Variants in ZNF705B observed in about 807,000 individuals in gnomAD.
ZNF705B encodes the protein zinc finger protein 705B.
In ZNF705B, 1 loss-of-function variant was observed where a neutral mutation model predicts 10.5. The ratio of observed to expected loss-of-function variants is 0.10; its 90% CI spans 0.03 to 0.45. The LOEUF (loss-of-function observed/expected upper bound fraction) is 0.45. ZNF705B is among the 20% of genes least tolerant of loss of function. The pLI is 0.97. For missense variants in ZNF705B, 14 were observed against 84.0 expected (o/e 0.17, Z 3.26); for synonymous variants, 4 against 25.4 (o/e 0.16, Z 2.53).
At chr8:7,933,909 G>A (rs1819921315) in intron 2 of ZNF705B, among the ~76,000 whole-genome samples, 1 of 73,772 alleles carries the variant, frequency 1.4e-5, no homozygotes, top group African/African-American at 3.6e-5. Flanking sequence ...CAGTAATCAA[G>A]TCATAACATG....
intron 2 of ZNF705B, among the ~76,000 whole-genome samples, chr8:7,940,523 T>C (rs1435532897): frequency 1.7e-5 from 2 of 116,336 alleles, no homozygotes; most frequent in Non-Finnish European, 4.0e-5. Flanking sequence ...AGCACTATGC[T>C]GTAAACGAGA....
intron 2 of ZNF705B, among the ~76,000 whole-genome samples, chr8:7,936,591 G>T (rs1820022180): frequency 8.3e-6 from 1 of 119,966 alleles, no homozygotes; most frequent in African/African-American, 2.5e-5. Flanking sequence ...GCAGCTGGAG[G>T]ACTTTATTCT....
At chr8:7,926,647 TAAG>T (rs1223250065) in intron 1 of ZNF705B, among the ~76,000 whole-genome samples, 1 of 103,820 alleles carries the variant, frequency 9.6e-6, no homozygotes, top group African/African-American at 2.8e-5. Flanking sequence ...GCAATAGTGT[TAAG>T]AAGCGGAACA....
At chr8:7,928,260 G>A (rs2698878) in intron 1 of ZNF705B, among the ~76,000 whole-genome samples, 48,158 of 112,678 alleles carry the variant, frequency 0.43, 8,109 homozygotes, top group East Asian at 0.51. Context: ...TTGTAATATC[G>A]TCACCACCTT....
In ZNF705B at chr8:7,927,550, C is replaced by T. The variant is rs2739885; in HGVS notation, c.-222+1153C>T. ...TGATCCTAGTTAAAACACAACTCTG[C>T]GTGGATAGGTATTGGGTAGCAATTG... On this transcript the variant is annotated intron_variant, in intron 1 of 6. Coordinates refer to ENST00000400120, the MANE Select transcript of ZNF705B (RefSeq NM_001193630.1). Among the ~76,000 whole-genome samples the T allele has an allele frequency of 1.1e-4, 13 of 116,834 alleles. 2 individuals carry two copies. The highest frequency in any genetic ancestry group is 2.5e-4 in the East Asian group (1 of 4,054). The allele number at this position is 116,834 out of a possible 152,430, so 76.6% of individuals were successfully genotyped here.
rs1355200427 is a variant in ZNF705B at position 7,929,552 on chromosome 8, C to A, written c.-221-735C>A. 1.6e-5 allele frequency among the ~76,000 whole-genome samples: 2 copies of A among 123,158 alleles called. 1 individual carries two copies. The highest frequency in any genetic ancestry group is 4.7e-4 in the East Asian group (2 of 4,258). 80.8% of individuals were successfully genotyped at this position (123,158 alleles called of 152,430 possible). ...AGAAAATGCAAAATTATTGTGAAGA[C>A]TTTCTATTTGAATAGGAGGAGACTT... On this transcript the variant is annotated intron_variant, in intron 1 of 6. Transcript: ENST00000400120.
chr8:7,927,463 T>G (rs1584993981), intron 1 of ZNF705B, among the ~76,000 whole-genome samples: 1 of 121,496 alleles, frequency 8.2e-6, no homozygotes, highest in African/African-American at 2.5e-5. Flanking sequence ...TAAATGTCTT[T>G]TTTTGAGAAA....
chr8:7,931,541 C>G (rs1315050336), intron 2 of ZNF705B, among the ~76,000 whole-genome samples: 1 of 122,146 alleles, frequency 8.2e-6, no homozygotes, highest in African/African-American at 2.5e-5. Flanking sequence ...CAATGACAGA[C>G]AGCAGTGTGG....
intron 2 of ZNF705B, among the ~76,000 whole-genome samples, chr8:7,936,550 AC>A (rs1328183196): frequency 1.7e-5 from 2 of 120,230 alleles, no homozygotes; most frequent in Non-Finnish European, 4.0e-5. Context: ...CATAAAAAGA[AC>A]AAAATTGTGT....
At chr8:7,929,395 T>C (rs1450701791) in intron 1 of ZNF705B, among the ~76,000 whole-genome samples, 1 of 121,482 alleles carries the variant, frequency 8.2e-6, no homozygotes, top group Non-Finnish European at 2.0e-5. Context: ...AGTTGATAGA[T>C]GCAGAGACAT....
At chr8:7,937,513 G>A (rs1409070883) in intron 2 of ZNF705B, among the ~76,000 whole-genome samples, 9 of 113,474 alleles carry the variant, frequency 7.9e-5, no homozygotes, top group Middle Eastern at 4.9e-3. Flanking sequence ...ATCCAAATTT[G>A]GAATTTTTAA....
In ZNF705B at chr8:7,931,209, G is replaced by T. The variant is rs561276383; in HGVS notation, c.-72+773G>T. Among the ~76,000 whole-genome samples, 963 of 120,784 alleles carry T rather than the reference G, an allele frequency of 8.0e-3. 37 individuals carry two copies. Among genetic ancestry groups the T allele is most frequent in the African/African-American group, 0.023 (914 of 39,488 alleles). 79.2% of individuals were successfully genotyped at this position (120,784 alleles called of 152,430 possible). Reference sequence around the variant, plus strand: ...AGATAGGCATGCCCTCAAGACCCTGGGAGGCATGTGTAGCATCAGCAATTG... The same window carrying T: ...AGATAGGCATGCCCTCAAGACCCTGTGAGGCATGTGTAGCATCAGCAATTG... On this transcript the variant is annotated intron_variant, in intron 2 of 6. Coordinates refer to ENST00000400120, the MANE Select transcript of ZNF705B (RefSeq NM_001193630.1).
In ZNF705B at chr8:7,937,266, C is replaced by T. The variant is rs1213805934; in HGVS notation, c.-72+6830C>T. Among the ~76,000 whole-genome samples, 11 of 117,152 alleles carry T rather than the reference C, an allele frequency of 9.4e-5. 5 individuals carry two copies. Among genetic ancestry groups the T allele is most frequent in the Admixed American group, 8.1e-4 (8 of 9,850 alleles). 76.9% of individuals were successfully genotyped at this position (117,152 alleles called of 152,430 possible). ...CCCTCTCTCTGTGTCCTCCTCTCCT[C>T]TCTAGCCTTCTACAAAAAGTTGGCA... On this transcript the variant is annotated intron_variant, in intron 2 of 6. Coordinates refer to ENST00000400120, the MANE Select transcript of ZNF705B (RefSeq NM_001193630.1).
intron 2 of ZNF705B, among the ~76,000 whole-genome samples, chr8:7,931,044 A>G (rs1162188451): frequency 8.4e-6 from 1 of 118,936 alleles, no homozygotes; most frequent in Non-Finnish European, 2.0e-5. Flanking sequence ...GTAGAGATGG[A>G]GTTTCTCCAT....
At chr8:7,945,286 C>A (rs1421738590) in intron 2 of ZNF705B, among the ~76,000 whole-genome samples, 10 of 25,138 alleles carry the variant, frequency 4.0e-4, no homozygotes, top group African/African-American at 9.4e-4. Flanking sequence ...TAATATTTGT[C>A]CTTTTTTGTC....
intron 2 of ZNF705B, chr8:7,934,684 GTGTGTGTC>G: frequency 2.3e-5 from 2 of 87,964 alleles, no homozygotes; most frequent in Non-Finnish European, 2.0e-5. Context: ...GTGGATTTGT[GTGTGTGTC>G]TGTGTGTGTG....
rs548677921 is a variant in ZNF705B at position 7,928,005 on chromosome 8, C to T, written c.-222+1608C>T. On this transcript the variant is annotated intron_variant, in intron 1 of 6. Coordinates refer to ENST00000400120, the MANE Select transcript of ZNF705B (RefSeq NM_001193630.1). ...TTCCTGCCTTAGTCCATTTGGGATG[C>T]TATTAAAAAGTAATATAAACAGGGT... Among the ~76,000 whole-genome samples, 1,170 of 133,968 alleles carry T rather than the reference C, an allele frequency of 8.7e-3. 3 individuals carry two copies. Among genetic ancestry groups the T allele is most frequent in the African/African-American group, 0.027 (1,028 of 38,174 alleles). The allele number at this position is 133,968 out of a possible 152,430, so 87.9% of individuals were successfully genotyped here.
intron 2 of ZNF705B, among the ~76,000 whole-genome samples, chr8:7,932,094 A>G (rs2128942092): frequency 8.3e-6 from 1 of 120,656 alleles, no homozygotes; most frequent in Middle Eastern, 4.3e-3. Context: ...CTCTGGGACA[A>G]TGACCATCAC....
Position 7,941,821 on chromosome 8 carries a change from AT to A in ZNF705B, c.-71-5520del, listed in dbSNP as rs542165449. On this transcript the variant is annotated intron_variant, in intron 2 of 6. Transcript: ENST00000400120. Reference sequence around the variant, plus strand: ...CACCATGCCCAGCTAATTTTTTGTAATTTTTTTTTTCTTTTTTTAGTGGAGA... The same window carrying A: ...CACCATGCCCAGCTAATTTTTTGTAATTTTTTTTTCTTTTTTTAGTGGAGA... Among the ~76,000 whole-genome samples, 153 of 62,382 alleles carry A rather than the reference AT, an allele frequency of 2.5e-3. 27 individuals carry two copies. Among genetic ancestry groups the A allele is most frequent in the African/African-American group, 5.6e-3 (119 of 21,228 alleles). 40.9% of individuals were successfully genotyped at this position (62,382 alleles called of 152,430 possible). A position where few individuals can be genotyped will look rare whatever the true frequency, so the allele number is the denominator to read the frequency against.
Sources: allele counts gnomAD v4.1 joint callset (sites outside exome capture counted in the v4.1 genomes callset), GRCh38; gene constraint gnomAD v4.1.1; transcripts MANE v1.5; gene names NCBI Gene and HGNC (gene_info 2026-07-23, HGNC 2026-07-21).